PCDHGB2: variants seen among roughly 807,000 people sequenced by gnomAD.
PCDHGB2 encodes protocadherin gamma subfamily B, 2.
In PCDHGB2, 55 loss-of-function variants were observed where a neutral mutation model predicts 59.3. The observed-to-expected ratio is 0.93, with a 90% CI of 0.75 to 1.16. The LOEUF (loss-of-function observed/expected upper bound fraction) is 1.16. Ranked by LOEUF, PCDHGB2 falls within the 50% of genes most tolerant of loss-of-function variation. The probability of loss-of-function intolerance (pLI) is 0.00; values close to 1 mark genes in which losing one functional copy is unlikely to be tolerated. For synonymous variants in PCDHGB2, 516 were observed against 512.0 expected (o/e 1.01, Z -0.11); for missense variants, 1,228 against 1,198.5 (o/e 1.02, Z -0.36).
At chr5:141,393,101 C>T (rs891971324) in intron 1 of PCDHGB2, 2 of 1,613,564 alleles carry the variant, frequency 1.2e-6, no homozygotes, top group Non-Finnish European at 1.7e-6. Flanking sequence ...AGGAGCTCTG[C>T]GCTCAGAGCC....
chr5:141,439,416 G>T (rs1169961917), intron 1 of PCDHGB2, among the ~76,000 whole-genome samples: 3 of 152,156 alleles, frequency 2.0e-5, no homozygotes, highest in African/African-American at 7.2e-5. Flanking sequence ...CATCACTGAG[G>T]TTATAAATTC....
chr5:141,427,683 G>T, intron 1 of PCDHGB2: 1 of 836,052 alleles, frequency 1.2e-6, no homozygotes, highest in African/African-American at 1.7e-5. Context: ...CCTTCCCGGA[G>T]CCTCCATCCC....
Position 141,458,657 on chromosome 5 carries a change from C to T in PCDHGB2, c.2422-36150C>T, listed in dbSNP as rs1214452360. On this transcript the variant is annotated intron_variant, in intron 1 of 3. Coordinates refer to ENST00000522605, the MANE Select transcript of PCDHGB2 (RefSeq NM_018923.3). ...CAATCCCAGCTCACTGCAACCTCCA[C>T]CTCTCGGGTTCAAGCAATTCTACTG... Among the ~76,000 whole-genome samples, 6 of 152,276 alleles carry T rather than the reference C, an allele frequency of 3.9e-5. No homozygotes were observed. In the East Asian group the frequency reaches 9.6e-4, roughly 24 times the overall value.
chr5:141,488,866 G>C (rs957501628), intron 1 of PCDHGB2, among the ~76,000 whole-genome samples: 1 of 152,148 alleles, frequency 6.6e-6, no homozygotes, highest in East Asian at 1.9e-4. Context: ...GAAGTGAGTG[G>C]GGAGGTAGGA....
rs763160633 is a variant in PCDHGB2 at position 141,418,261 on chromosome 5, G to A, written c.2421+55705G>A. 3 of 1,614,056 alleles carry A rather than the reference G, an allele frequency of 1.9e-6. No homozygotes were observed. In the South Asian group the frequency reaches 3.3e-5, roughly 18 times the overall value. Reference sequence around the variant, plus strand: ...TTAATGACCACGCCCCTCAATTCCGGAAAGATGAAATAAACTTAGAAATCA... The same window carrying A: ...TTAATGACCACGCCCCTCAATTCCGAAAAGATGAAATAAACTTAGAAATCA... On this transcript the variant is annotated intron_variant, in intron 1 of 3. Coordinates refer to ENST00000522605, the MANE Select transcript of PCDHGB2 (RefSeq NM_018923.3).
intron 1 of PCDHGB2, among the ~76,000 whole-genome samples, chr5:141,460,764 G>A (rs2098996981): frequency 6.6e-6 from 1 of 150,516 alleles, no homozygotes; most frequent in Admixed American, 6.7e-5. Flanking sequence ...TATACATATT[G>A]CATATGTATG....
At chr5:141,510,824 A>G (rs947400590) in intron 3 of PCDHGB2, 123 bp from the exon 4 acceptor site, 2 of 1,563,416 alleles carry the variant, frequency 1.3e-6, no homozygotes, top group Non-Finnish European at 1.7e-6. Flanking sequence ...CTATATTCCC[A>G]GTGCTCAGCG....
intron 1 of PCDHGB2, chr5:141,421,617 C>A (rs781622911): frequency 6.2e-7 from 1 of 1,613,768 alleles, no homozygotes; most frequent in South Asian, 1.1e-5. Flanking sequence ...TTAATGATAA[C>A]GCCCCCAGCT....
chr5:141,482,503 C>A (rs375429072), intron 1 of PCDHGB2, among the ~76,000 whole-genome samples: 2 of 136,154 alleles, frequency 1.5e-5, no homozygotes, highest in South Asian at 4.4e-4. Context: ...CATTCTGGTA[C>A]CCAGAGTACA....
intron 1 of PCDHGB2, chr5:141,421,154 G>A: frequency 8.7e-7 from 1 of 1,151,318 alleles, no homozygotes; most frequent in South Asian, 1.6e-5. Flanking sequence ...GTCGGCCTAG[G>A]ACTTCATAGA....
At chr5:141,375,991 C>T (rs770239249) in intron 1 of PCDHGB2, 3 of 1,613,448 alleles carry the variant, frequency 1.9e-6, no homozygotes, top group Non-Finnish European at 1.7e-6. Context: ...TGGACAGAGA[C>T]GCGCTCAAGC....
chr5:141,394,821 G>C (rs2093106496), intron 1 of PCDHGB2: 4 of 1,613,862 alleles, frequency 2.5e-6, no homozygotes, highest in Middle Eastern at 1.6e-4. Flanking sequence ...CAGCATCCCC[G>C]AAGTCCTGAC....
chr5:141,395,074 C>G, intron 1 of PCDHGB2: 1 of 1,614,166 alleles, frequency 6.2e-7, no homozygotes, highest in East Asian at 2.2e-5. Flanking sequence ...CAGACCTATT[C>G]CCAGGAAGTC....
intron 1 of PCDHGB2, among the ~76,000 whole-genome samples, chr5:141,460,981 G>A (rs35435563): frequency 1.6e-4 from 20 of 121,900 alleles, no homozygotes; most frequent in African/African-American, 3.7e-4. Context: ...GTGTGTGTGT[G>A]TGTATATATA....
At chr5:141,444,299 G>A (rs1017908182) in intron 1 of PCDHGB2, among the ~76,000 whole-genome samples, 20 of 150,672 alleles carry the variant, frequency 1.3e-4, no homozygotes, top group Non-Finnish European at 2.7e-4. Context: ...AGCCTCCCTA[G>A]TAGCTAGGAT....
chr5:141,362,322 T>C lies in PCDHGB2; in HGVS notation c.2187T>C (p.Pro729=), dbSNP rs369360424. 1 of 1,614,066 alleles carries C rather than the reference T, an allele frequency of 6.2e-7. No individual in the cohort carries two copies. Among genetic ancestry groups the C allele is most frequent in the South Asian group, 1.1e-5 (1 of 91,088 alleles). ...CAGATGCTTGGGACTGTTTTCAGCC[T>C]GGTCTCAGCTCCAAGCCTGGACCTG... ...SRSDAWDCFQ[P]GLSSKPGPGV... is the part of the protein sequence containing the mutation. Residue 729 remains proline (P), a synonymous_variant, in exon 1 of 4, where the codon CCT becomes CCC. Coordinates refer to ENST00000522605, the MANE Select transcript of PCDHGB2 (RefSeq NM_018923.3).
chr5:141,392,659 A>T, intron 1 of PCDHGB2: 2 of 788,300 alleles, frequency 2.5e-6, no homozygotes, highest in Non-Finnish European at 3.8e-6. Flanking sequence ...CGCAGATGCC[A>T]CAAACTAACT....
chr5:141,362,224 G>A lies in PCDHGB2; in HGVS notation c.2089G>A (p.Ala697Thr), dbSNP rs1762382542. Residue 697 changes from alanine (A) to threonine (T), a missense_variant, in exon 1 of 4, where the codon GCC becomes ACC. Ala to Thr is a moderately conservative substitution (Grantham distance 58, BLOSUM62 0). This residue lies in a region of PCDHGB2 where 433 missense variants were observed against 441.8 expected (regional missense o/e 0.98). Coordinates refer to ENST00000522605, the MANE Select transcript of PCDHGB2 (RefSeq NM_018923.3). ...GCAGTTTTACCTGGTTGTGGCCTTG[G>A]CCTTGATCTCAGTGCTCTTCTTCCT... ...KLQFYLVVAL[A>T]LISVLFFLAV... The A allele has an allele frequency of 6.2e-7, 1 of 1,613,904 alleles. No homozygotes were observed. Among genetic ancestry groups the A allele is most frequent in the African/African-American group, 1.3e-5 (1 of 74,932 alleles).
intron 1 of PCDHGB2, chr5:141,379,744 G>T (rs1333166422): frequency 6.6e-6 from 1 of 152,052 alleles, no homozygotes; most frequent in African/African-American, 2.4e-5. Flanking sequence ...GCTAAATGAG[G>T]TTCTTTAATC....
Sources: gnomAD v4.1 joint callset for allele counts (sites outside exome capture counted in the v4.1 genomes callset) on GRCh38, gnomAD v4.1.1 for gene constraint, gnomAD v4.1.1 regional missense constraint, MANE v1.5 for transcripts, NCBI Gene and HGNC (gene_info 2026-07-23, HGNC 2026-07-21) for gene names.